Variants in ULK4 observed in about 807,000 individuals in gnomAD.
ULK4 encodes unc-51 like kinase 4.
A neutral mutation model predicts 160.6 loss-of-function variants in ULK4; 133 were observed. That is an observed-to-expected ratio of 0.83 (90% CI 0.72 to 0.96). The LOEUF (loss-of-function observed/expected upper bound fraction) is 0.96. Among genes scored for constraint, ULK4 ranks in the 40% least tolerant of loss-of-function variants. The pLI, the probability that ULK4 is intolerant of heterozygous loss-of-function variation, is 0.00. For missense variants in ULK4, 1,580 were observed against 1,499.5 expected (o/e 1.05, Z -0.89); for synonymous variants, 534 against 539.8 (o/e 0.99, Z 0.15).
chr3:41,675,858 C>T (rs989075089), intron 29 of ULK4, among the ~76,000 whole-genome samples: 1 of 152,214 alleles, frequency 6.6e-6, no homozygotes, highest in Admixed American at 6.5e-5. Flanking sequence ...TGATTTCAGA[C>T]TTCTGGCTTC....
At chr3:41,792,563 T>C (rs1020129554) in intron 20 of ULK4, among the ~76,000 whole-genome samples, 1 of 152,154 alleles carries the variant, frequency 6.6e-6, no homozygotes, top group African/African-American at 2.4e-5. Flanking sequence ...CAACTTCCCA[T>C]TGTTATAAAA....
chr3:41,407,854 G>C (rs746238473), intron 34 of ULK4, among the ~76,000 whole-genome samples: 2 of 151,806 alleles, frequency 1.3e-5, no homozygotes, highest in African/African-American at 4.8e-5. Flanking sequence ...GTTCTAGCTA[G>C]AAAAATAAAT....
chr3:41,579,797 C>G (rs2030123585), intron 31 of ULK4, among the ~76,000 whole-genome samples: 1 of 152,116 alleles, frequency 6.6e-6, no homozygotes, highest in Non-Finnish European at 1.5e-5. Flanking sequence ...CGGCCTGGAA[C>G]TAATATTTTT....
At chr3:41,374,652 C>T (rs1211849334) in intron 35 of ULK4, among the ~76,000 whole-genome samples, 1 of 152,156 alleles carries the variant, frequency 6.6e-6, no homozygotes. Flanking sequence ...ACAATAAGAG[C>T]TATTTATGAC....
At chr3:41,345,810 A>G (rs2080786769) in intron 35 of ULK4, among the ~76,000 whole-genome samples, 2 of 152,190 alleles carry the variant, frequency 1.3e-5, no homozygotes, top group Non-Finnish European at 2.9e-5. Context: ...AATAAATTAA[A>G]AAATGTACAA....
rs562053031 is a variant in ULK4 at position 41,771,589 on chromosome 3, G to A, written c.2194-17101C>T. ...ATGAATATCTGTGAGATGTTACAAT[G>A]CTTTTCCTTTCAAATCATACTGTGT... is the stretch of plus-strand genomic sequence containing the variant. On this transcript the variant is annotated intron_variant, in intron 21 of 36. Transcript: ENST00000301831. Among the ~76,000 whole-genome samples the A allele has an allele frequency of 9.3e-4, 142 of 151,936 alleles. 2 individuals carry two copies. The highest frequency in any genetic ancestry group is 2.9e-3 in the African/African-American group (120 of 41,302).
intron 5 of ULK4, among the ~76,000 whole-genome samples, chr3:41,920,020 G>C (rs925356574): frequency 2.0e-5 from 3 of 152,156 alleles, no homozygotes; most frequent in Admixed American, 6.5e-5. Context: ...ATATAAAAAA[G>C]TGTTTAAAAT....
Position 41,620,861 on chromosome 3 carries a change from A to G in ULK4, c.3072-5144T>C, listed in dbSNP as rs543947047. ...GCAGATGACATTTTTATATATTTAGAAAACCCCATCATCTCAGCCCAAAAG... is the reference window on the plus strand; with the variant it reads ...GCAGATGACATTTTTATATATTTAGGAAACCCCATCATCTCAGCCCAAAAG... On this transcript the variant is annotated intron_variant, in intron 30 of 36. Coordinates refer to ENST00000301831, the MANE Select transcript of ULK4 (RefSeq NM_017886.4). Among the ~76,000 whole-genome samples, 12 of 152,292 alleles carry G rather than the reference A, an allele frequency of 7.9e-5. No homozygotes were observed. The East Asian group carries it at 2.3e-3, about 29-fold the overall frequency.
chr3:41,784,868 A>G (rs895693248), intron 21 of ULK4, among the ~76,000 whole-genome samples: 5 of 152,248 alleles, frequency 3.3e-5, no homozygotes, highest in African/African-American at 1.2e-4. Flanking sequence ...CTACAGTTAC[A>G]AATTTCAAAT....
chr3:41,453,837 C>T (rs1357445988), intron 34 of ULK4, among the ~76,000 whole-genome samples: 1 of 151,698 alleles, frequency 6.6e-6, no homozygotes, highest in Non-Finnish European at 1.5e-5. Context: ...TTAAGGAATA[C>T]TATGCAGCCA....
chr3:41,735,497 C>T (rs1253894277), intron 22 of ULK4, among the ~76,000 whole-genome samples: 1 of 152,126 alleles, frequency 6.6e-6, no homozygotes, highest in African/African-American at 2.4e-5. Context: ...AGCTACTCCA[C>T]TGCCTATTTC....
intron 17 of ULK4, among the ~76,000 whole-genome samples, chr3:41,841,316 T>G (rs1241027221): frequency 7.5e-6 from 1 of 133,292 alleles, no homozygotes; most frequent in South Asian, 2.6e-4. Flanking sequence ...GGCCGCCCCG[T>G]CTGGGAGGTG....
intron 32 of ULK4, among the ~76,000 whole-genome samples, chr3:41,518,824 A>C (rs2085836826): frequency 6.6e-6 from 1 of 152,240 alleles, no homozygotes; most frequent in South Asian, 2.1e-4. Flanking sequence ...GAGCGTCAGC[A>C]GCCTAGACAT....
intron 2 of ULK4, among the ~76,000 whole-genome samples, chr3:41,948,722 T>TA (rs11414127): frequency 0.81 from 108,741 of 134,446 alleles, 44,011 homozygotes; most frequent in East Asian, 0.99. Flanking sequence ...CAACAACCTT[T>TA]AAAAAAAAAA....
chr3:41,679,814 G>T (rs551516487), intron 29 of ULK4, among the ~76,000 whole-genome samples: 1 of 152,306 alleles, frequency 6.6e-6, no homozygotes, highest in South Asian at 2.1e-4. Context: ...AGACATCTCA[G>T]GTCCTGAAAA....
chr3:41,510,853 C>T (rs1408552284), intron 32 of ULK4, among the ~76,000 whole-genome samples: 4 of 152,140 alleles, frequency 2.6e-5, no homozygotes, highest in African/African-American at 9.7e-5. Flanking sequence ...AAGTTCATAG[C>T]ATTAAATGCC....
chr3:41,260,079 A>T (rs766078609), intron 35 of ULK4: 6 of 152,192 alleles, frequency 3.9e-5, no homozygotes, highest in Non-Finnish European at 8.8e-5. Context: ...AAATTTCAAA[A>T]ATAAACCTAT....
At chr3:41,848,795 T>C (rs761276123) in intron 17 of ULK4, among the ~76,000 whole-genome samples, 3 of 152,170 alleles carry the variant, frequency 2.0e-5, no homozygotes, top group Non-Finnish European at 4.4e-5. Flanking sequence ...CCTTTGACCT[T>C]GTTCATTTTC....
At chr3:41,711,217 A>G (rs1176767553) in intron 25 of ULK4, among the ~76,000 whole-genome samples, 1 of 152,206 alleles carries the variant, frequency 6.6e-6, no homozygotes, top group African/African-American at 2.4e-5. Flanking sequence ...ACAAAGGCCA[A>G]TGACCCAGAA....
Sources: allele counts gnomAD v4.1 joint callset (sites outside exome capture counted in the v4.1 genomes callset), GRCh38; gene constraint gnomAD v4.1.1; transcripts MANE v1.5; gene names NCBI Gene and HGNC (gene_info 2026-07-23, HGNC 2026-07-21).